Variants in CALN1 observed in about 807,000 individuals in gnomAD.
CALN1 encodes the protein calneuron 1, also known as calcium-binding protein 8.
In CALN1, 17 loss-of-function variants were observed where a neutral mutation model predicts 30.6. That is an observed-to-expected ratio of 0.56 (90% CI 0.38 to 0.83). The LOEUF (loss-of-function observed/expected upper bound fraction) is 0.83, where lower values mean the gene tolerates loss of function less well. Ranked by LOEUF, CALN1 falls within the 40% of genes least tolerant of loss-of-function variation. CALN1 has a pLI of 0.00. For synonymous variants in CALN1, 156 were observed against 131.4 expected (o/e 1.19, Z -1.28); for missense variants, 291 against 354.9 (o/e 0.82, Z 1.45).
At chr7:72,148,932 A>AAAG (rs1786993507) in intron 3 of CALN1, among the ~76,000 whole-genome samples, 1 of 149,872 alleles carries the variant, frequency 6.7e-6, no homozygotes, top group Non-Finnish European at 1.5e-5. Context: ...AAGAAAGAAA[A>AAAG]AAAAGAAGGA....
At chr7:72,256,736 T>C (rs1351148580) in intron 3 of CALN1, among the ~76,000 whole-genome samples, 1 of 152,018 alleles carries the variant, frequency 6.6e-6, no homozygotes, top group Non-Finnish European at 1.5e-5. Context: ...CCTTCCAAAG[T>C]GCTGGGATTA....
intron 3 of CALN1, among the ~76,000 whole-genome samples, chr7:72,140,143 CACTTACAGTCCCAGCTACT>C (rs891638773): frequency 9.2e-5 from 14 of 151,852 alleles, no homozygotes; most frequent in Non-Finnish European, 1.9e-4. Context: ...TGGTGCTGAA[CACTTACAGTCCCAGCTACT>C]AGGGAGACTG....
chr7:72,476,169 G>A, the CALN1 span, among the ~76,000 whole-genome samples: 16 of 151,862 alleles, frequency 1.1e-4, no homozygotes, highest in Middle Eastern at 3.4e-3. Flanking sequence ...GGCTGGTCTC[G>A]AACTCCTGAC....
At chr7:72,124,279 C>A (rs1288713513) in intron 3 of CALN1, among the ~76,000 whole-genome samples, 1 of 152,136 alleles carries the variant, frequency 6.6e-6, no homozygotes, top group Non-Finnish European at 1.5e-5. Context: ...CTACAATGAA[C>A]AGTTAAGAAC....
At chr7:71,859,164 G>C (rs2116647563) in intron 5 of CALN1, among the ~76,000 whole-genome samples, 1 of 152,254 alleles carries the variant, frequency 6.6e-6, no homozygotes, top group African/African-American at 2.4e-5. Flanking sequence ...CTGGGTTCAA[G>C]CAATTCTCAG....
At chr7:72,375,792 A>G (rs781082441) in intron 2 of CALN1, among the ~76,000 whole-genome samples, 10 of 152,068 alleles carry the variant, frequency 6.6e-5, no homozygotes, top group Non-Finnish European at 1.2e-4. Context: ...TAAAATATAT[A>G]ATTTTACTTC....
chr7:72,212,258 G>A (rs370838822), intron 3 of CALN1, among the ~76,000 whole-genome samples: 21 of 150,380 alleles, frequency 1.4e-4, no homozygotes, highest in African/African-American at 1.7e-4. Flanking sequence ...CTGAGGCAGG[G>A]GAATTGCCTG....
At chr7:72,079,229 C>T (rs1804954758) in intron 4 of CALN1, among the ~76,000 whole-genome samples, 1 of 152,064 alleles carries the variant, frequency 6.6e-6, no homozygotes, top group African/African-American at 2.4e-5. Flanking sequence ...CTCGGGCAAT[C>T]GACTTAATTT....
chr7:72,084,512 C>T lies in CALN1; in HGVS notation c.388+21639G>A, dbSNP rs1444206300. ...TAGCTGGGATTACAGGCACCCACCACCATGCCCAGCTCATTTTTTTGTATT... is the reference window on the plus strand; with the variant it reads ...TAGCTGGGATTACAGGCACCCACCATCATGCCCAGCTCATTTTTTTGTATT... On this transcript the variant is annotated intron_variant, in intron 4 of 6. Coordinates refer to ENST00000395275, the MANE Select transcript of CALN1 (RefSeq NM_031468.4). Among the ~76,000 whole-genome samples the T allele has an allele frequency of 2.6e-5, 4 of 151,602 alleles. No homozygotes were observed. The East Asian group carries it at 7.9e-4, about 30-fold the overall frequency.
intron 1 of CALN1, among the ~76,000 whole-genome samples, chr7:72,429,392 G>T (rs1183064651): frequency 6.6e-6 from 1 of 152,116 alleles, no homozygotes; most frequent in East Asian, 1.9e-4. Context: ...CCCCAAAAAT[G>T]AATGTGGCGT....
At chr7:72,503,407 G>T in the CALN1 span, among the ~76,000 whole-genome samples, 12 of 151,892 alleles carry the variant, frequency 7.9e-5, no homozygotes, top group East Asian at 2.3e-3. Context: ...GTGCTCTCGG[G>T]GGTATTTGGG....
chr7:71,816,780 C>A (rs1246845379), intron 5 of CALN1, among the ~76,000 whole-genome samples: 1 of 152,040 alleles, frequency 6.6e-6, no homozygotes, highest in Non-Finnish European at 1.5e-5. Flanking sequence ...CTAGCCTGAC[C>A]AACATGGTGA....
intron 4 of CALN1, among the ~76,000 whole-genome samples, chr7:72,100,775 G>A (rs1295443604): frequency 4.4e-5 from 6 of 137,838 alleles, no homozygotes; most frequent in African/African-American, 1.1e-4. Context: ...AGCCAAGATC[G>A]CGCCACTGCA....
intron 5 of CALN1, among the ~76,000 whole-genome samples, chr7:71,892,859 T>C (rs768990615): frequency 1.3e-5 from 2 of 152,172 alleles, no homozygotes; most frequent in Non-Finnish European, 1.5e-5. Context: ...GCTAACTCTC[T>C]ACCTAATAAA....
the CALN1 span, among the ~76,000 whole-genome samples, chr7:72,482,114 T>C: frequency 6.6e-6 from 1 of 152,226 alleles, no homozygotes; most frequent in Non-Finnish European, 1.5e-5. Context: ...TCAACATCTT[T>C]GTTATTGTGA....
the CALN1 span, among the ~76,000 whole-genome samples, chr7:72,453,993 A>ATAT: frequency 6.7e-5 from 10 of 148,216 alleles, no homozygotes; most frequent in Middle Eastern, 3.5e-3. Context: ...ACAACCAAAA[A>ATAT]ATATATATAT....
intron 5 of CALN1, among the ~76,000 whole-genome samples, chr7:72,015,720 A>G (rs995780423): frequency 6.6e-6 from 1 of 152,108 alleles, no homozygotes; most frequent in African/African-American, 2.4e-5. Context: ...CTGGGATTAT[A>G]GGTGTGAGTC....
At chr7:71,825,891 G>A (rs1788880471) in intron 5 of CALN1, among the ~76,000 whole-genome samples, 1 of 151,666 alleles carries the variant, frequency 6.6e-6, no homozygotes. Flanking sequence ...AAATTAGCCG[G>A]GCGTGGTGGC....
chr7:72,246,107 T>C (rs761505776), intron 3 of CALN1, among the ~76,000 whole-genome samples: 3 of 152,182 alleles, frequency 2.0e-5, no homozygotes, highest in Non-Finnish European at 4.4e-5. Flanking sequence ...CCAGACACTT[T>C]ATTATGATAA....
Sources: gnomAD v4.1 joint callset for allele counts (sites outside exome capture counted in the v4.1 genomes callset) on GRCh38, gnomAD v4.1.1 for gene constraint, MANE v1.5 for transcripts, NCBI Gene and HGNC (gene_info 2026-07-23, HGNC 2026-07-21) for gene names.